The following KALRN variants were observed in gnomAD, a reference collection of about 807,000 sequenced individuals.
The protein encoded by KALRN is kalirin RhoGEF kinase.
KALRN carries 70 observed loss-of-function variants against 353.7 expected under a neutral mutation model. The ratio of observed to expected loss-of-function variants is 0.20; its 90% CI spans 0.16 to 0.24. The LOEUF (loss-of-function observed/expected upper bound fraction) is 0.24. KALRN is among the 10% of genes least tolerant of loss of function. The pLI is 1.00. For synonymous variants in KALRN, 1,391 were observed against 1,434.8 expected, an observed-to-expected ratio of 0.97 and a Z score of 0.69; for missense variants, 2,791 against 3,756.7, an observed-to-expected ratio of 0.74 and a Z score of 6.72.
At chr3:124,431,326 G>A (rs891525260) in intron 16 of KALRN, among the ~76,000 whole-genome samples, 8 of 152,216 alleles carry the variant, frequency 5.3e-5, no homozygotes, top group African/African-American at 1.9e-4. Context: ...AATGCTGGTA[G>A]AACAGTATTT....
intron 3 of KALRN, among the ~76,000 whole-genome samples, chr3:124,253,133 G>C (rs2071416971): frequency 6.6e-6 from 1 of 152,192 alleles, no homozygotes; most frequent in Non-Finnish European, 1.5e-5. Context: ...GAGGCAGTTA[G>C]AATAGCCCTG....
chr3:124,234,501 T>G (rs1001436234), intron 2 of KALRN, among the ~76,000 whole-genome samples: 3 of 152,206 alleles, frequency 2.0e-5, no homozygotes, highest in African/African-American at 7.2e-5. Context: ...CCATTTTCAT[T>G]ATCATCTCAC....
chr3:124,595,100 A>G (rs1248433471), intron 34 of KALRN, among the ~76,000 whole-genome samples: 1 of 152,154 alleles, frequency 6.6e-6, no homozygotes, highest in Non-Finnish European at 1.5e-5. Context: ...AAATTTGAAA[A>G]TACAGATAAG....
At chr3:124,382,170 G>A (rs2087487530) in intron 10 of KALRN, among the ~76,000 whole-genome samples, 1 of 152,118 alleles carries the variant, frequency 6.6e-6, no homozygotes, top group Admixed American at 6.5e-5. Context: ...ACTTCATAGG[G>A]TTATTGCGAG....
At chr3:124,258,384 C>T (rs1366051822) in intron 3 of KALRN, among the ~76,000 whole-genome samples, 1 of 152,238 alleles carries the variant, frequency 6.6e-6, no homozygotes, top group Non-Finnish European at 1.5e-5. Context: ...AGTCTCTCTG[C>T]AGCATTTGAC....
In KALRN at chr3:124,474,681, G is replaced by A. The variant is rs766642100; in HGVS notation, c.4050G>A (p.Leu1350=). 2 of 1,614,008 alleles carry A rather than the reference G, an allele frequency of 1.2e-6. No individual in the cohort carries two copies. The highest frequency in any genetic ancestry group is 2.2e-5 in the South Asian group (2 of 91,070). Residue 1350 remains leucine (L), a synonymous_variant, in exon 26 of 60, where the codon CTG becomes CTA. Transcript: ENST00000682506. ...DFHNNIFLKE[L]EKYEQLPEDV... is the part of the protein sequence containing the mutation. ...CTTGCAGCATCTTCCTCAAAGAGCTGGAGAAGTACGAGCAACTGCCTGAGG... is the reference window on the plus strand; with the variant it reads ...CTTGCAGCATCTTCCTCAAAGAGCTAGAGAAGTACGAGCAACTGCCTGAGG...
At chr3:124,427,706 C>A (rs976710135) in intron 15 of KALRN, among the ~76,000 whole-genome samples, 1 of 152,156 alleles carries the variant, frequency 6.6e-6, no homozygotes, top group Non-Finnish European at 1.5e-5. Flanking sequence ...CTCTTAAGTC[C>A]CCAAGTAGTG....
At chr3:124,296,142 G>A (rs1050153939) in intron 5 of KALRN, among the ~76,000 whole-genome samples, 1 of 152,186 alleles carries the variant, frequency 6.6e-6, no homozygotes, top group Non-Finnish European at 1.5e-5. Flanking sequence ...TTATACTTAA[G>A]TGTGAGTTGT....
intron 21 of KALRN, among the ~76,000 whole-genome samples, chr3:124,450,735 G>C (rs1416324964): frequency 6.6e-6 from 1 of 151,998 alleles, no homozygotes; most frequent in Non-Finnish European, 1.5e-5. Context: ...GCTGATTTTT[G>C]TATTTTTAGT....
intron 6 of KALRN, among the ~76,000 whole-genome samples, chr3:124,316,686 A>G (rs1161105356): frequency 6.6e-6 from 1 of 152,222 alleles, no homozygotes; most frequent in Non-Finnish European, 1.5e-5. Context: ...ATCACGTGCT[A>G]TCCTTTTCCC....
chr3:124,584,752 C>G lies in KALRN; in HGVS notation c.5182+21663C>G, dbSNP rs562022012. On this transcript the variant is annotated intron_variant, in intron 34 of 59. Coordinates refer to ENST00000682506, the MANE Select transcript of KALRN (RefSeq NM_001388419.1). The stretch of plus-strand genomic sequence containing the variant: ...CTCTCGGGCGGCGGCGCTGAAGTTT[C>G]CTTCCCGCCGCGCTCTCACCCCGGG... 91 of 1,534,398 alleles carry G rather than the reference C, an allele frequency of 5.9e-5. No individual in the cohort carries two copies. The Middle Eastern group carries it at 1.8e-3, about 30-fold the overall frequency.
chr3:124,184,394 C>T (rs540506233), intron 1 of KALRN, among the ~76,000 whole-genome samples: 30 of 152,286 alleles, frequency 2.0e-4, no homozygotes, highest in African/African-American at 7.0e-4. Flanking sequence ...AATCTTATGT[C>T]ATTCCTTTGG....
chr3:124,246,470 T>G (rs540324319), intron 3 of KALRN, among the ~76,000 whole-genome samples: 2 of 152,326 alleles, frequency 1.3e-5, no homozygotes, highest in South Asian at 4.1e-4. Flanking sequence ...TGTTTTTTTT[T>G]GCCCTTGGTG....
chr3:124,134,992 G>C (rs1007274022), intron 1 of KALRN, among the ~76,000 whole-genome samples: 13 of 152,146 alleles, frequency 8.5e-5, no homozygotes, highest in African/African-American at 2.4e-4. Flanking sequence ...ACTAAAAGTG[G>C]AACCACCATT....
intron 5 of KALRN, among the ~76,000 whole-genome samples, chr3:124,281,247 GAAC>G (rs2075313993): frequency 6.6e-6 from 1 of 152,130 alleles, no homozygotes; most frequent in Non-Finnish European, 1.5e-5. Context: ...CCTGCTATAG[GAAC>G]AACTGCTGAT....
intron 7 of KALRN, among the ~76,000 whole-genome samples, chr3:124,328,167 C>T (rs1297326135): frequency 6.6e-6 from 1 of 152,190 alleles, no homozygotes; most frequent in African/African-American, 2.4e-5. Flanking sequence ...TCAAGCACAA[C>T]CCTATACTTT....
chr3:124,144,294 TG>T, intron 1 of KALRN, among the ~76,000 whole-genome samples: 1 of 152,206 alleles, frequency 6.6e-6, no homozygotes, highest in East Asian at 1.9e-4. Flanking sequence ...GATCAGAACC[TG>T]GGGCAGCCCC....
chr3:124,108,192 G>T (rs1209546022), intron 1 of KALRN, among the ~76,000 whole-genome samples: 1 of 152,174 alleles, frequency 6.6e-6, no homozygotes, highest in Admixed American at 6.5e-5. Flanking sequence ...TCCATACTCT[G>T]CCCTGGGGGT....
chr3:124,264,626 T>C lies in KALRN; in HGVS notation c.392T>C (p.Ile131Thr). Residue 131 changes from isoleucine to threonine, a missense_variant, in exon 4 of 60, where the codon ATT becomes ACT. This residue lies in a region of KALRN where 110 missense variants were observed against 204.1 expected (regional missense o/e 0.54). Coordinates refer to ENST00000682506, the MANE Select transcript of KALRN (RefSeq NM_001388419.1). Reference sequence around the variant, plus strand: ...GCTGAGATCCATGTGGCCCTCATCATTAAACCCGACAACTTCTGGCAGAAA... The same window carrying C: ...GCTGAGATCCATGTGGCCCTCATCACTAAACCCGACAACTTCTGGCAGAAA... ...FPAEIHVALI[I>T]KPDNFWQKQK... is the part of the protein sequence containing the mutation. 1.9e-6 allele frequency: 3 copies of C among 1,614,178 alleles called. No individual in the cohort carries two copies. The highest frequency in any genetic ancestry group is 2.5e-6 in the Non-Finnish European group (3 of 1,180,026).
Sources: allele counts gnomAD v4.1 joint callset (sites outside exome capture counted in the v4.1 genomes callset), GRCh38; gene constraint gnomAD v4.1.1; regional missense constraint gnomAD v4.1.1; transcripts MANE v1.5; gene names NCBI Gene and HGNC (gene_info 2026-07-23, HGNC 2026-07-21).